The following LRRC28 variants were observed in gnomAD, a reference collection of about 807,000 sequenced individuals.
LRRC28 encodes the protein leucine rich repeat containing 28.
In LRRC28, 39 loss-of-function variants were observed where a neutral mutation model predicts 45.7. The observed-to-expected ratio is 0.85, with a 90% CI of 0.66 to 1.12. The LOEUF (loss-of-function observed/expected upper bound fraction) is 1.12, where lower values mean the gene tolerates loss of function less well. Ranked by LOEUF, LRRC28 falls within the 50% of genes most tolerant of loss-of-function variation. LRRC28 has a pLI of 0.00. For synonymous variants in LRRC28, 206 were observed against 178.8 expected, an observed-to-expected ratio of 1.15 and a Z score of -1.22; for missense variants, 435 against 438.5, an observed-to-expected ratio of 0.99 and a Z score of 0.07.
At chr15:99,255,551 G>T (rs1169396610) in intron 1 of LRRC28, among the ~76,000 whole-genome samples, 1 of 152,060 alleles carries the variant, frequency 6.6e-6, no homozygotes, top group East Asian at 1.9e-4. Flanking sequence ...AATGGGGTTT[G>T]CTGCATTTGA....
intron 5 of LRRC28, among the ~76,000 whole-genome samples, chr15:99,323,080 C>T (rs765226638): frequency 6.6e-6 from 1 of 152,308 alleles, no homozygotes; most frequent in Middle Eastern, 3.4e-3. Context: ...TTTGTAGATT[C>T]TCTTTCCCAC....
intron 5 of LRRC28, among the ~76,000 whole-genome samples, chr15:99,312,604 A>G (rs1597318952): frequency 6.6e-6 from 1 of 152,230 alleles, no homozygotes; most frequent in East Asian, 1.9e-4. Context: ...GTTGTTTATT[A>G]TCAGTTATTA....
At chr15:99,383,419 G>A (rs1464084646) in intron 9 of LRRC28, among the ~76,000 whole-genome samples, 1 of 152,192 alleles carries the variant, frequency 6.6e-6, no homozygotes, top group African/African-American at 2.4e-5. Context: ...TTTGTCCAGA[G>A]TGTTTCAGGT....
intron 5 of LRRC28, among the ~76,000 whole-genome samples, chr15:99,291,548 C>G (rs7182675): frequency 0.36 from 54,215 of 151,964 alleles, 10,770 homozygotes; most frequent in African/African-American, 0.54. Context: ...AATGTGAGGG[C>G]CTGTGATGTT....
intron 5 of LRRC28, among the ~76,000 whole-genome samples, chr15:99,319,530 C>G (rs915600629): frequency 6.6e-6 from 1 of 152,106 alleles, no homozygotes; most frequent in Non-Finnish European, 1.5e-5. Flanking sequence ...AGCAAGAATA[C>G]TTTATTGACT....
intron 6 of LRRC28, among the ~76,000 whole-genome samples, chr15:99,339,599 C>G (rs1231853081): frequency 6.6e-6 from 1 of 151,892 alleles, no homozygotes; most frequent in Non-Finnish European, 1.5e-5. Flanking sequence ...GGTGTGGTGG[C>G]AGACACTTGC....
intron 5 of LRRC28, among the ~76,000 whole-genome samples, chr15:99,325,552 C>T (rs1291094684): frequency 1.3e-5 from 2 of 152,192 alleles, no homozygotes; most frequent in East Asian, 1.9e-4. Flanking sequence ...TCACCATTAA[C>T]GTAGTGTTCC....
At chr15:99,330,763 G>A (rs543864648) in intron 5 of LRRC28, among the ~76,000 whole-genome samples, 13 of 152,006 alleles carry the variant, frequency 8.6e-5, no homozygotes, top group Non-Finnish European at 1.5e-4. Flanking sequence ...TTTGCTATGT[G>A]TAGTCTACAT....
At chr15:99,256,346 A>G (rs1328661900) in intron 2 of LRRC28, 2 of 373,592 alleles carry the variant, frequency 5.4e-6, no homozygotes, top group Non-Finnish European at 9.5e-6. Flanking sequence ...GGAAAGCAAA[A>G]TACTCACTGA....
At chr15:99,258,452 C>A in intron 2 of LRRC28, 1 of 847,636 alleles carries the variant, frequency 1.2e-6, no homozygotes, top group South Asian at 1.4e-5. Context: ...ATAAACTTTC[C>A]TATTTATGTA....
At chr15:99,372,734 T>G (rs1242301115) in intron 9 of LRRC28, among the ~76,000 whole-genome samples, 5 of 152,152 alleles carry the variant, frequency 3.3e-5, no homozygotes, top group Non-Finnish European at 7.3e-5. Context: ...TTCATGGAAT[T>G]GAATGCTTTT....
At chr15:99,261,564 A>G (rs1013415337) in intron 2 of LRRC28, among the ~76,000 whole-genome samples, 10 of 152,090 alleles carry the variant, frequency 6.6e-5, no homozygotes, top group African/African-American at 2.4e-4. Context: ...TTTAAAGGAC[A>G]CTAATTCCAT....
intron 5 of LRRC28, among the ~76,000 whole-genome samples, chr15:99,325,499 C>G (rs568027838): frequency 2.6e-5 from 4 of 152,280 alleles, no homozygotes; most frequent in Non-Finnish European, 4.4e-5. Context: ...GCCTCCTTGC[C>G]TTGTAGGCAC....
intron 5 of LRRC28, among the ~76,000 whole-genome samples, chr15:99,292,591 C>T (rs1425838686): frequency 6.6e-6 from 1 of 152,064 alleles, no homozygotes; most frequent in Non-Finnish European, 1.5e-5. Flanking sequence ...GTCTCGATCT[C>T]CTGACCTCAT....
chr15:99,378,414 G>C (rs934275285), intron 9 of LRRC28, among the ~76,000 whole-genome samples: 5 of 152,172 alleles, frequency 3.3e-5, no homozygotes, highest in Admixed American at 2.6e-4. Flanking sequence ...TGCTGAAGTT[G>C]CTTATCAGCT....
At chr15:99,285,036 TG>T in intron 3 of LRRC28, 1 of 655,000 alleles carries the variant, frequency 1.5e-6, no homozygotes, top group Non-Finnish European at 2.9e-6. Flanking sequence ...CTCTTGGCTT[TG>T]ATGGGGCTTT....
chr15:99,307,923 C>T (rs1431829887), intron 5 of LRRC28, among the ~76,000 whole-genome samples: 1 of 152,166 alleles, frequency 6.6e-6, no homozygotes, highest in Non-Finnish European at 1.5e-5. Flanking sequence ...GTCCTATGAT[C>T]TCATTTAGGT....
chr15:99,304,884 T>C (rs1186191610), intron 5 of LRRC28, among the ~76,000 whole-genome samples: 1 of 152,240 alleles, frequency 6.6e-6, no homozygotes, highest in Non-Finnish European at 1.5e-5. Flanking sequence ...ATTTCTTGCT[T>C]TTATTTTTAT....
rs573432285 is a variant in LRRC28 at position 99,372,873 on chromosome 15, C to A, written c.1031+9608C>A. On this transcript the variant is annotated intron_variant, in intron 9 of 9. Coordinates refer to ENST00000301981, the MANE Select transcript of LRRC28 (RefSeq NM_144598.5). ...GCTGAGGAGGCCTCAGGAAACTTAA[C>A]AATCATGGCTCGAGGGGAAGCAAAC... 3.9e-5 allele frequency among the ~76,000 whole-genome samples: 6 copies of A among 152,234 alleles called. No individual in the cohort carries two copies. The South Asian group carries it at 1.2e-3, about 32-fold the overall frequency.
Sources: gnomAD v4.1 joint callset for allele counts (sites outside exome capture counted in the v4.1 genomes callset) on GRCh38, gnomAD v4.1.1 for gene constraint, MANE v1.5 for transcripts, NCBI Gene and HGNC (gene_info 2026-07-23, HGNC 2026-07-21) for gene names.